TMEM132C: variants seen among roughly 807,000 people sequenced by gnomAD.
The protein encoded by TMEM132C is protein phosphatase 1, regulatory subunit 152.
Under a neutral mutation model 61.4 loss-of-function variants are expected in TMEM132C, and 29 were observed. The observed-to-expected ratio is 0.47, with a 90% CI of 0.35 to 0.64. The LOEUF (loss-of-function observed/expected upper bound fraction) is 0.64, where lower values mean the gene tolerates loss of function less well. TMEM132C is among the 30% of genes least tolerant of loss of function. The pLI is 0.00. For synonymous variants in TMEM132C, 656 were observed against 633.1 expected (o/e 1.04, Z -0.54); for missense variants, 1,408 against 1,476.9 (o/e 0.95, Z 0.76).
intron 3 of TMEM132C, among the ~76,000 whole-genome samples, chr12:128,592,496 TTATCCTCCAAAGC>T (rs1196826494): frequency 6.6e-6 from 1 of 152,238 alleles, no homozygotes; most frequent in Non-Finnish European, 1.5e-5. Context: ...GTGAAGTTCA[TTATCCTCCAAAGC>T]TGACTTGGGA....
intron 2 of TMEM132C, among the ~76,000 whole-genome samples, chr12:128,518,555 G>C (rs1872795251): frequency 6.6e-6 from 1 of 152,140 alleles, no homozygotes; most frequent in Non-Finnish European, 1.5e-5. Context: ...TCTTTTCACT[G>C]GATCTAAAAA....
rs1954058069 is a variant in TMEM132C at position 128,630,630 on chromosome 12, GCCCAGAGGCTCGGGA to G, written c.1305+14296_1305+14310del. On this transcript the variant is annotated intron_variant, in intron 4 of 8. Transcript: ENST00000435159. This position sits in a 1 kb window ranked among gnomAD's most constrained non-coding sequence, Gnocchi z 4.3. ...GTCCATGTTCCCTCTGGGCGGTCAT[GCCCAGAGGCTCGGGA>G]ACTTGGCTGTGTCCACTCCCTAGTC... Among the ~76,000 whole-genome samples, 2 of 152,200 alleles carry G rather than the reference GCCCAGAGGCTCGGGA, an allele frequency of 1.3e-5. No individual in the cohort carries two copies. The highest frequency in any genetic ancestry group is 6.5e-5 in the Admixed American group (1 of 15,278).
At chr12:128,519,429 G>C (rs763991072) in intron 2 of TMEM132C, among the ~76,000 whole-genome samples, 34 of 152,308 alleles carry the variant, frequency 2.2e-4, no homozygotes, top group Admixed American at 7.2e-4. Context: ...TGCTGTGCTA[G>C]ACATTGTCCC....
intron 1 of TMEM132C, among the ~76,000 whole-genome samples, chr12:128,367,192 C>T (rs1054397872): frequency 6.6e-6 from 1 of 152,162 alleles, no homozygotes; most frequent in Admixed American, 6.5e-5. Flanking sequence ...GGAAGTTGTT[C>T]AAGGCAGGAG....
At chr12:128,307,907 C>G (rs1054329962) in intron 1 of TMEM132C, among the ~76,000 whole-genome samples, 5 of 152,324 alleles carry the variant, frequency 3.3e-5, no homozygotes, top group South Asian at 4.2e-4. Flanking sequence ...TTTAGGGGAG[C>G]TGCCCCTCCC....
intron 2 of TMEM132C, among the ~76,000 whole-genome samples, chr12:128,427,099 G>A (rs1424202968): frequency 4.6e-5 from 7 of 152,172 alleles, no homozygotes; most frequent in South Asian, 2.1e-4. Context: ...TTAGAGTCCC[G>A]TCTGCTGGCA....
intron 1 of TMEM132C, among the ~76,000 whole-genome samples, chr12:128,315,015 A>AACAGGATTATTG (rs1872102878): frequency 6.6e-6 from 1 of 152,226 alleles, no homozygotes; most frequent in Admixed American, 6.5e-5. Context: ...GGATTATTGA[A>AACAGGATTATTG]AAACATTAAA....
chr12:128,473,238 T>G lies in TMEM132C; in HGVS notation c.974+57618T>G, dbSNP rs1435848073. 3.4e-4 allele frequency among the ~76,000 whole-genome samples: 48 copies of G among 139,958 alleles called. 1 individual carries two copies. Among genetic ancestry groups the G allele is most frequent in the South Asian group, 1.9e-3 (8 of 4,112 alleles). 91.8% of individuals were successfully genotyped at this position (139,958 alleles called of 152,430 possible). On this transcript the variant is annotated intron_variant, in intron 2 of 8. Transcript: ENST00000435159. ...CTCCAGCCTCCATCTTTGTCCTTAC[T>G]CCAGCGTCTATCTTCATCCTCACTC...
Position 128,414,774 on chromosome 12 carries a change from C to T in TMEM132C, c.128C>T (p.Ser43Phe), listed in dbSNP as rs1457918234. Reference protein sequence around the residue: ...HGVTDNIQRFSSLPPYLPVSY... With the variant: ...HGVTDNIQRFFSLPPYLPVSY... ...GTCACAGACAACATACAGAGATTCT[C>T]CTCACTGCCACCTTACCTACCTGTG... is the stretch of plus-strand genomic sequence containing the variant. Residue 43 changes from serine (S) to phenylalanine (F), a missense_variant, in exon 2 of 9, where the codon TCC becomes TTC. Transcript: ENST00000435159. 3.2e-6 allele frequency: 5 copies of T among 1,538,614 alleles called. No homozygotes were observed. Among genetic ancestry groups the T allele is most frequent in the Non-Finnish European group, 4.4e-6 (5 of 1,146,606 alleles).
chr12:128,659,031 AAG>A (rs1221406460), intron 4 of TMEM132C, among the ~76,000 whole-genome samples: 2 of 152,206 alleles, frequency 1.3e-5, no homozygotes, highest in Non-Finnish European at 2.9e-5. Flanking sequence ...TGAAGACTAA[AAG>A]AGGCCTTTGG....
Position 128,699,095 on chromosome 12 carries a change from G to C in TMEM132C, c.2121+1680G>C, listed in dbSNP as rs572442243. Among the ~76,000 whole-genome samples, 11 of 148,398 alleles carry C rather than the reference G, an allele frequency of 7.4e-5. No homozygotes were observed. The East Asian group carries it at 2.0e-3, about 27-fold the overall frequency. ...AGGACTGCAAACTCAAATGCCTACA[G>C]GGGCTGGGCTGGTGTTATAAGCAAG... On this transcript the variant is annotated intron_variant, in intron 8 of 8. Transcript: ENST00000435159.
Position 128,547,424 on chromosome 12 carries a change from C to T in TMEM132C, c.1121+3321C>T, listed in dbSNP as rs865850846. ...CAAAAAAAAAAAAAAATTAGCCGGG[C>T]GTGGTGGCGGGCAGCTGTAGTCCCA... On this transcript the variant is annotated intron_variant, in intron 3 of 8. Coordinates refer to ENST00000435159, the MANE Select transcript of TMEM132C (RefSeq NM_001136103.3). 2.6e-3 allele frequency among the ~76,000 whole-genome samples: 391 copies of T among 150,472 alleles called. 1 individual carries two copies. The highest frequency in any genetic ancestry group is 9.2e-3 in the African/African-American group (379 of 41,114).
chr12:128,289,233 C>T (rs1871177092), intron 1 of TMEM132C, among the ~76,000 whole-genome samples: 1 of 152,186 alleles, frequency 6.6e-6, no homozygotes, highest in Non-Finnish European at 1.5e-5. Flanking sequence ...CCTATACACA[C>T]CCTCTCACAT....
intron 5 of TMEM132C, 63 bp downstream of exon 5, chr12:128,669,623 C>A: frequency 6.5e-7 from 1 of 1,528,856 alleles, no homozygotes. Context: ...ATCCCGTTTG[C>A]TAGGGACATT....
chr12:128,634,371 A>G (rs182030790), intron 4 of TMEM132C, among the ~76,000 whole-genome samples: 15 of 152,376 alleles, frequency 9.8e-5, no homozygotes, highest in African/African-American at 3.4e-4. Context: ...CGCTGTGCCC[A>G]GCCAACATGT....
rs1328319758 is a variant in TMEM132C, at chr12:128,415,356, A to G, written c.710A>G (p.Glu237Gly). The stretch of plus-strand genomic sequence containing the variant: ...TACTACACCGTGCACCCAGGAAACG[A>G]GCGAGGGGACTGTGCCGGGGGTGAC... ...ELYYTVHPGN[E>G]RGDCAGGDFR... The change falls in exon 2 of 9, where the codon GAG (glutamate) becomes GGG (glycine). Residue 237 changes from glutamate (E) to glycine (G), a missense_variant. Transcript: ENST00000435159. The surrounding 1 kb of genome is among the most constrained non-coding windows in gnomAD (Gnocchi z 5.8). The G allele has an allele frequency of 6.4e-7, 1 of 1,569,150 alleles. No individual in the cohort carries two copies. Among genetic ancestry groups the G allele is most frequent in the Non-Finnish European group, 8.7e-7 (1 of 1,155,724 alleles).
intron 1 of TMEM132C, among the ~76,000 whole-genome samples, chr12:128,323,811 C>T (rs143120675): frequency 4.0e-4 from 61 of 152,136 alleles, no homozygotes; most frequent in Admixed American, 5.9e-4. Context: ...TTTGAGGGGA[C>T]GCTTGGGTAC....
chr12:128,535,120 C>T (rs549806002), intron 2 of TMEM132C, among the ~76,000 whole-genome samples: 1 of 152,188 alleles, frequency 6.6e-6, no homozygotes, highest in South Asian at 2.1e-4. Context: ...TGATCTTCGT[C>T]CCTCAAGCAC....
intron 2 of TMEM132C, among the ~76,000 whole-genome samples, chr12:128,437,602 A>G (rs1279877280): frequency 2.0e-5 from 3 of 152,222 alleles, no homozygotes; most frequent in Non-Finnish European, 4.4e-5. Context: ...AATCTTGCCT[A>G]CAAGCCTGGC....
Sources: allele counts gnomAD v4.1 joint callset (sites outside exome capture counted in the v4.1 genomes callset), GRCh38; gene constraint gnomAD v4.1.1; non-coding constraint Gnocchi (gnomAD v3.1); transcripts MANE v1.5; gene names NCBI Gene and HGNC (gene_info 2026-07-23, HGNC 2026-07-21).